Variants in GFI1B observed in about 807,000 individuals in gnomAD.
GFI1B encodes the protein growth factor independent 1B transcriptional repressor, also known as zinc finger protein Gfi-1b.
GFI1B carries 20 observed loss-of-function variants against 35.3 expected under a neutral mutation model. That is an observed-to-expected ratio of 0.57 (90% CI 0.40 to 0.82). The LOEUF (loss-of-function observed/expected upper bound fraction) is 0.82, where lower values mean the gene tolerates loss of function less well. GFI1B is among the 40% of genes least tolerant of loss of function. GFI1B has a pLI of 0.00. For synonymous variants in GFI1B, 178 were observed against 177.6 expected (o/e 1.00, Z -0.02); for missense variants, 430 against 446.3 (o/e 0.96, Z 0.33).
At chr9:132,978,601 C>G (rs2132619631), upstream of GFI1B, 1 of 152,302 alleles carries the variant, frequency 6.6e-6, no homozygotes, top group East Asian at 1.9e-4. Flanking sequence ...CGGCTGAGCT[C>G]CCGCGCTCTC....
At chr9:132,956,777 G>A (rs986687360) in intron 1 of GFI1B, among the ~76,000 whole-genome samples, 2 of 152,206 alleles carry the variant, frequency 1.3e-5, no homozygotes, top group Admixed American at 1.3e-4. Context: ...GTGGATCAGG[G>A]ATATGGGTGT....
intron 1 of GFI1B, among the ~76,000 whole-genome samples, chr9:132,964,408 A>G (rs1358867456): frequency 6.6e-6 from 1 of 152,074 alleles, no homozygotes; most frequent in African/African-American, 2.4e-5. Context: ...TACAAACAAA[A>G]CCCAGTAATG....
chr9:132,976,935 C>T (rs1346152352), upstream of GFI1B, among the ~76,000 whole-genome samples: 1 of 152,150 alleles, frequency 6.6e-6, no homozygotes, highest in African/African-American at 2.4e-5. Flanking sequence ...AAGCCAACTC[C>T]TGTCTCTAAG....
At chr9:132,971,636 CAG>C (rs1236488170) in intron 1 of GFI1B, among the ~76,000 whole-genome samples, 1 of 152,048 alleles carries the variant, frequency 6.6e-6, no homozygotes, top group Non-Finnish European at 1.5e-5. Context: ...GCAAGAGAGA[CAG>C]AAGGAGAGAC....
intron 1 of GFI1B, among the ~76,000 whole-genome samples, chr9:132,960,962 A>G (rs865950830): frequency 6.6e-6 from 1 of 151,928 alleles, no homozygotes; most frequent in East Asian, 1.9e-4. Flanking sequence ...CCGTGAGACC[A>G]TTTCTCAGTC....
Position 132,987,279 on chromosome 9 carries a change from CAGT to C in GFI1B, c.101-2_101del. On this transcript the variant is annotated splice_acceptor_variant and coding_sequence_variant, in exon 3 of 7. Coordinates refer to ENST00000372122, the MANE Select transcript of GFI1B (RefSeq NM_001377304.1). LOFTEE classifies it high-confidence loss of function. ...TGATGCTGATGGTCCTATCTCCCCA[CAGT>C]GCCCAGAGACCAGGCTCCAAGCAAC... 1 of 1,613,762 alleles carries C rather than the reference CAGT, an allele frequency of 6.2e-7. No homozygotes were observed. The highest frequency in any genetic ancestry group is 2.2e-5 in the East Asian group (1 of 44,862).
At chr9:132,986,150 T>C (rs151138431) in intron 1 of GFI1B, among the ~76,000 whole-genome samples, 40 of 152,346 alleles carry the variant, frequency 2.6e-4, no homozygotes, top group African/African-American at 7.5e-4. Context: ...TTCTGGGATC[T>C]AGAAATCCAA....
In GFI1B at chr9:132,962,186, G is replaced by A. The variant is rs867643194; in HGVS notation, c.-700-10539G>A. Among the ~76,000 whole-genome samples the A allele has an allele frequency of 1.4e-4, 20 of 142,298 alleles. 1 individual carries two copies. Among genetic ancestry groups the A allele is most frequent in the Middle Eastern group, 3.9e-3 (1 of 258 alleles). The allele number at this position is 142,298 out of a possible 152,430, so 93.4% of individuals were successfully genotyped here. A position where few individuals can be genotyped will look rare whatever the true frequency, so the allele number is the denominator to read the frequency against. On this transcript the variant is annotated intron_variant, in intron 1 of 10. Coordinates refer to the GFI1B transcript ENST00000339463. ...AGAATCTCACTCTGTCACACAGGCT[G>A]GAGTACAGTGGTACCATCTCAGCTT...
intron 1 of GFI1B, among the ~76,000 whole-genome samples, chr9:132,963,488 T>A (rs982448359): frequency 9.8e-4 from 136 of 138,350 alleles, no homozygotes; most frequent in African/African-American, 3.3e-3. Flanking sequence ...CTCAAAAAAA[T>A]TATTATTATT....
chr9:132,946,636 T>G (rs747075636), intron 1 of GFI1B: 14 of 152,256 alleles, frequency 9.2e-5, no homozygotes, highest in Non-Finnish European at 1.9e-4. Context: ...AGGGAAGGGA[T>G]TCAAGATTTC....
In GFI1B at chr9:132,989,014, C is replaced by T. The variant is rs755517364; in HGVS notation, c.511-47C>T. ...AGACCATGGGACCCCAGGCCTGTCC[C>T]TGTCACCGCAGCCCCCAGTGGCCTC... On this transcript the variant is annotated intron_variant, in intron 4 of 6. Transcript: ENST00000372122. The surrounding 1 kb of genome is among the most constrained non-coding windows in gnomAD (Gnocchi z 6.2). 2 of 1,601,210 alleles carry T rather than the reference C, an allele frequency of 1.2e-6. No homozygotes were observed. The highest frequency in any genetic ancestry group is 1.7e-6 in the Non-Finnish European group (2 of 1,168,562).
At chr9:132,976,235 A>G, upstream of GFI1B, among the ~76,000 whole-genome samples, 1 of 152,216 alleles carries the variant, frequency 6.6e-6, no homozygotes, top group East Asian at 1.9e-4. Flanking sequence ...TGAAACCATT[A>G]AAGATGTCAA....
chr9:132,986,930 A>G (rs1849090074), intron 2 of GFI1B, 152 bp downstream of exon 2: 2 of 654,432 alleles, frequency 3.1e-6, no homozygotes, highest in South Asian at 1.7e-5. Flanking sequence ...TGAAAGGAGT[A>G]GACAAATGAG....
At position 132,990,000 on chromosome 9, in the gene GFI1B, G is replaced by T; in HGVS notation, c.814+93G>T. 1.7e-6 allele frequency: 2 copies of T among 1,157,530 alleles called. No homozygotes were observed. Among genetic ancestry groups the T allele is most frequent in the South Asian group, 2.6e-5 (2 of 77,618 alleles). The allele number at this position is 1,157,530 out of a possible 1,614,324, so 71.7% of individuals were successfully genotyped here. A position where few individuals can be genotyped will look rare whatever the true frequency, so the allele number is the denominator to read the frequency against. On this transcript the variant is annotated intron_variant, in intron 6 of 6. Coordinates refer to ENST00000372122, the MANE Select transcript of GFI1B (RefSeq NM_001377304.1). This position sits in a 1 kb window ranked among gnomAD's most constrained non-coding sequence, Gnocchi z 6.2. ...AGAGGCCCCCAGCGTGAGGCTGGGG[G>T]CGGGGTCTAGTTACAAAGTCAAAGG...
At chr9:132,966,742 A>G (rs1298895406) in intron 1 of GFI1B, among the ~76,000 whole-genome samples, 1 of 152,160 alleles carries the variant, frequency 6.6e-6, no homozygotes, top group African/African-American at 2.4e-5. Context: ...CACCATTTTA[A>G]CCAAACTCAG....
At chr9:132,970,477 G>A (rs1331738506) in intron 1 of GFI1B, among the ~76,000 whole-genome samples, 3 of 152,128 alleles carry the variant, frequency 2.0e-5, no homozygotes, top group African/African-American at 7.2e-5. Context: ...AGCTTGTTGG[G>A]AAGAGCACAG....
rs1849200433 is a variant in GFI1B, at chr9:132,989,287, C to A, written c.648+89C>A. 9.0e-6 allele frequency: 12 copies of A among 1,329,320 alleles called. No individual in the cohort carries two copies. The South Asian group carries it at 1.3e-4, about 14-fold the overall frequency. The allele number at this position is 1,329,320 out of a possible 1,614,324, so 82.3% of individuals were successfully genotyped here. A position where few individuals can be genotyped will look rare whatever the true frequency, so the allele number is the denominator to read the frequency against. On this transcript the variant is annotated intron_variant, in intron 5 of 6. Coordinates refer to ENST00000372122, the MANE Select transcript of GFI1B (RefSeq NM_001377304.1). This position sits in a 1 kb window ranked among gnomAD's most constrained non-coding sequence, Gnocchi z 6.2. ...CTGGGGGCTGTGGCTGGGTCCCTCC[C>A]CCTGCCCCTGGGGGTGACACAGATT... is the stretch of plus-strand genomic sequence containing the variant.
intron 1 of GFI1B, among the ~76,000 whole-genome samples, chr9:132,972,029 C>A (rs1337993803): frequency 1.3e-5 from 2 of 150,096 alleles, no homozygotes; most frequent in East Asian, 4.0e-4. Flanking sequence ...AATCCCAGCA[C>A]TTTGGGAGGC....
At chr9:132,982,967 T>C (rs1381636947) in intron 1 of GFI1B, among the ~76,000 whole-genome samples, 4 of 152,084 alleles carry the variant, frequency 2.6e-5, no homozygotes, top group Non-Finnish European at 5.9e-5. Context: ...GAAAAGTGCT[T>C]GGCCAGGGCT....
Sources: allele counts gnomAD v4.1 joint callset (sites outside exome capture counted in the v4.1 genomes callset), GRCh38; gene constraint gnomAD v4.1.1; non-coding constraint Gnocchi (gnomAD v3.1); transcripts MANE v1.5; gene names NCBI Gene and HGNC (gene_info 2026-07-23, HGNC 2026-07-21).